Variants in FBN2 observed in about 807,000 individuals in gnomAD.
FBN2 encodes fibrillin-2.
FBN2 carries 105 observed loss-of-function variants against 355.6 expected under a neutral mutation model. The ratio of observed to expected loss-of-function variants is 0.30; its 90% CI spans 0.25 to 0.35. FBN2 has a LOEUF of 0.35. Among genes scored for constraint, FBN2 ranks in the 10% least tolerant of loss-of-function variants. The probability of loss-of-function intolerance (pLI) is 1.00; values close to 1 mark genes in which losing one functional copy is unlikely to be tolerated. For missense variants in FBN2, 3,280 were observed against 3,758.7 expected, an observed-to-expected ratio of 0.87 and a Z score of 3.33; for synonymous variants, 1,350 against 1,301.2, an observed-to-expected ratio of 1.04 and a Z score of -0.81.
intron 62 of FBN2, among the ~76,000 whole-genome samples, chr5:128,266,546 T>C (rs1393059250): frequency 6.6e-6 from 1 of 152,152 alleles, no homozygotes; most frequent in Non-Finnish European, 1.5e-5. Context: ...TCAGACTATT[T>C]TAGATAGAGC....
At chr5:128,446,647 T>A in intron 6 of FBN2, 41 bp from the exon 7 acceptor site, 1 of 1,606,622 alleles carries the variant, frequency 6.2e-7, no homozygotes, top group Non-Finnish European at 8.5e-7. Context: ...GACACTGGTT[T>A]TCAGAATATC....
chr5:128,312,116 A>C (rs887300830), intron 37 of FBN2, among the ~76,000 whole-genome samples, 163 bp from the exon 38 acceptor site: 1 of 152,218 alleles, frequency 6.6e-6, no homozygotes, highest in African/African-American at 2.4e-5. Context: ...CATATTTTAC[A>C]TAAAAGATCA....
intron 19 of FBN2, 84 bp downstream of exon 19, chr5:128,361,639 T>C (rs1439951164): frequency 2.7e-6 from 4 of 1,468,460 alleles, no homozygotes; most frequent in Non-Finnish European, 2.9e-6. Context: ...TTCTTTTCAC[T>C]ACATTGCTTC....
intron 8 of FBN2, among the ~76,000 whole-genome samples, chr5:128,398,740 C>T (rs1253432123): frequency 1.3e-5 from 2 of 152,152 alleles, no homozygotes; most frequent in African/African-American, 2.4e-5. Flanking sequence ...CAAATCTCAT[C>T]GTGAATTCCC....
At chr5:128,392,994 C>A in intron 10 of FBN2, 141 bp downstream of exon 10, 2 of 734,956 alleles carry the variant, frequency 2.7e-6, no homozygotes, top group East Asian at 2.6e-5. Flanking sequence ...CTCTGTCTCT[C>A]TCTCTCTCGC....
chr5:128,273,010 A>T (rs1487649340), intron 61 of FBN2, among the ~76,000 whole-genome samples: 1 of 152,250 alleles, frequency 6.6e-6, no homozygotes. Flanking sequence ...TACAGAGAGC[A>T]AATTAAATAC....
At chr5:128,338,472 A>T (rs1020567730) in intron 26 of FBN2, among the ~76,000 whole-genome samples, 1 of 152,176 alleles carries the variant, frequency 6.6e-6, no homozygotes, top group Non-Finnish European at 1.5e-5. Flanking sequence ...AGAATCTTAG[A>T]CTTATAACCT....
In FBN2 at chr5:128,335,698, G is replaced by A. The variant is rs1750816720; in HGVS notation, c.3725-121C>T. ...TTTCTCCCCACTATGTGTGTTGATT[G>A]AACATTATCTTTCTTAGTTCTTTCA... On this transcript the variant is annotated intron_variant, in intron 28 of 64. Coordinates refer to ENST00000262464, the MANE Select transcript of FBN2 (RefSeq NM_001999.4). 3.3e-6 allele frequency: 4 copies of A among 1,199,096 alleles called. No homozygotes were observed. In the Admixed American group the frequency reaches 6.8e-5, roughly 20 times the overall value. The allele number at this position is 1,199,096 out of a possible 1,614,324, so 74.3% of individuals were successfully genotyped here. A position where few individuals can be genotyped will look rare whatever the true frequency, so the allele number is the denominator to read the frequency against.
intron 7 of FBN2, among the ~76,000 whole-genome samples, chr5:128,420,280 C>T (rs1753312676): frequency 1.3e-5 from 2 of 152,124 alleles, no homozygotes; most frequent in South Asian, 4.1e-4. Context: ...AGAGATCTTA[C>T]TTATTACATT....
chr5:128,360,375 T>C (rs1464738423), intron 19 of FBN2, among the ~76,000 whole-genome samples: 1 of 152,106 alleles, frequency 6.6e-6, no homozygotes, highest in African/African-American at 2.4e-5. Context: ...TCATAACCTA[T>C]TGAAAGATAT....
chr5:128,321,077 T>C (rs1359862400), intron 34 of FBN2, among the ~76,000 whole-genome samples: 1 of 152,222 alleles, frequency 6.6e-6, no homozygotes, highest in Non-Finnish European at 1.5e-5. Context: ...ATTTGTTTCT[T>C]GATTGGCTGT....
At chr5:128,516,153 A>C (rs1265826226) in intron 5 of FBN2, among the ~76,000 whole-genome samples, 1 of 152,210 alleles carries the variant, frequency 6.6e-6, no homozygotes, top group East Asian at 1.9e-4. Context: ...CTGATAAAAC[A>C]TAAGGTACAT....
At chr5:128,278,216 C>T (rs1167026530) in intron 57 of FBN2, among the ~76,000 whole-genome samples, 2 of 152,100 alleles carry the variant, frequency 1.3e-5, no homozygotes, top group African/African-American at 4.8e-5. Context: ...TAAAGGGAGA[C>T]TCTGGTGAAA....
At chr5:128,270,689 G>T (rs1032142204) in intron 62 of FBN2, among the ~76,000 whole-genome samples, 2 of 152,164 alleles carry the variant, frequency 1.3e-5, no homozygotes, top group African/African-American at 4.8e-5. Context: ...CATAGCAAAA[G>T]AAACTATCAT....
chr5:128,498,884 C>A (rs1755729094), intron 5 of FBN2, among the ~76,000 whole-genome samples: 1 of 152,154 alleles, frequency 6.6e-6, no homozygotes, highest in Non-Finnish European at 1.5e-5. Flanking sequence ...TCATTAATTT[C>A]CTTCAAACGA....
chr5:128,371,876 G>A (rs1393723920), intron 15 of FBN2, among the ~76,000 whole-genome samples: 1 of 151,998 alleles, frequency 6.6e-6, no homozygotes, highest in Non-Finnish European at 1.5e-5. Flanking sequence ...AATTTCTTCA[G>A]GTAATTAGCA....
rs755492341 is a variant in FBN2 at position 128,291,489 on chromosome 5, T to C, written c.6292+40A>G. 11 of 1,611,104 alleles carry C rather than the reference T, an allele frequency of 6.8e-6. No individual in the cohort carries two copies. The South Asian group carries it at 1.2e-4, about 18-fold the overall frequency. On this transcript the variant is annotated intron_variant, in intron 49 of 64. Coordinates refer to ENST00000262464, the MANE Select transcript of FBN2 (RefSeq NM_001999.4). ...GTTTACAATTCAGCTTTAAAGTTTC[T>C]AAGCGTGAACTGTGACAGTGAAGTC... is the stretch of plus-strand genomic sequence containing the variant.
At position 128,289,295 on chromosome 5, in the gene FBN2, T is replaced by C. The variant is rs757046119; in HGVS notation, c.6512-43A>G. ...ATGTGAATTTCCTCATATAAAAAGATATGCCGGCCAGGCGCAGTGGCTCAT... is the reference window on the plus strand; with the variant it reads ...ATGTGAATTTCCTCATATAAAAAGACATGCCGGCCAGGCGCAGTGGCTCAT... On this transcript the variant is annotated intron_variant, in intron 51 of 64. Coordinates refer to ENST00000262464, the MANE Select transcript of FBN2 (RefSeq NM_001999.4). 3.7e-6 allele frequency: 6 copies of C among 1,610,742 alleles called. No individual in the cohort carries two copies. The Admixed American group carries it at 8.3e-5, about 22-fold the overall frequency.
At chr5:128,277,842 G>T (rs908807863) in intron 58 of FBN2, 38 bp downstream of exon 58, 1 of 1,612,156 alleles carries the variant, frequency 6.2e-7, no homozygotes, top group Non-Finnish European at 8.5e-7. Context: ...TAGCTGATTA[G>T]CCCCCAAACC....
Sources: gnomAD v4.1 joint callset for allele counts (sites outside exome capture counted in the v4.1 genomes callset) on GRCh38, gnomAD v4.1.1 for gene constraint, MANE v1.5 for transcripts, NCBI Gene and HGNC (gene_info 2026-07-23, HGNC 2026-07-21) for gene names.